Variants in ZNF654 observed in about 807,000 individuals in gnomAD.
ZNF654 encodes zinc finger protein 654.
Under a neutral mutation model 95.3 loss-of-function variants are expected in ZNF654, and 19 were observed. The observed-to-expected ratio is 0.20, with a 90% CI of 0.14 to 0.29. ZNF654 has a LOEUF of 0.29. ZNF654 is among the 10% of genes least tolerant of loss of function. The probability of loss-of-function intolerance (pLI) is 1.00; values close to 1 mark genes in which losing one functional copy is unlikely to be tolerated. For synonymous variants in ZNF654, 413 were observed against 457.9 expected (o/e 0.90, Z 1.25); for missense variants, 1,046 against 1,341.0 (o/e 0.78, Z 3.44).
intron 2 of ZNF654, among the ~76,000 whole-genome samples, chr3:88,098,926 A>G (rs140962721): frequency 6.6e-6 from 1 of 152,334 alleles, no homozygotes; most frequent in African/African-American, 2.4e-5. Flanking sequence ...AAGCTGGCAC[A>G]AGCAGGGATG....
intron 5 of ZNF654, 22 bp downstream of exon 5, chr3:88,129,033 G>C (rs1229921085): frequency 3.1e-5 from 47 of 1,501,842 alleles, no homozygotes; most frequent in Non-Finnish European, 4.1e-5. Context: ...GACTATTTTT[G>C]CCTATTACCA....
chr3:88,099,352 C>T (rs1284014008), intron 2 of ZNF654, among the ~76,000 whole-genome samples: 2 of 152,184 alleles, frequency 1.3e-5, no homozygotes, highest in Non-Finnish European at 2.9e-5. Flanking sequence ...GAAGAATATT[C>T]CATGCTCATG....
chr3:88,128,852 A>G lies in ZNF654; in HGVS notation c.594A>G (p.Leu198=). The G allele has an allele frequency of 6.5e-7, 1 of 1,535,592 alleles. No individual in the cohort carries two copies. ...CTGAAAATCCACTGTTCTTTGAACTACGTGCCAGATACCTAATTGCTTGTG... is the reference window on the plus strand; with the variant it reads ...CTGAAAATCCACTGTTCTTTGAACTGCGTGCCAGATACCTAATTGCTTGTG... ...LSSENPLFFE[L]RARYLIACER... Residue 198 remains leucine, a synonymous_variant, in exon 5 of 9, where the codon CTA becomes CTG. Transcript: ENST00000636215.
At chr3:88,103,981 C>G (rs552252294) in intron 2 of ZNF654, among the ~76,000 whole-genome samples, 34 of 151,966 alleles carry the variant, frequency 2.2e-4, no homozygotes, top group Non-Finnish European at 4.4e-4. Flanking sequence ...CGGCTGGTCT[C>G]GAACTCCTTA....
chr3:88,072,611 T>C (rs553804160), intron 1 of ZNF654, among the ~76,000 whole-genome samples: 2 of 152,202 alleles, frequency 1.3e-5, no homozygotes, highest in African/African-American at 4.8e-5. Flanking sequence ...ATTAGAGAGA[T>C]AGAGGCCTTC....
Position 88,142,209 on chromosome 3 carries a change from A to C in ZNF654, c.*557A>C, listed in dbSNP as rs1348630234. ...TACATTAACTTACCACAGTGCTATC[A>C]ATTAAAGATTGTAACAGGTTTCCAG... On this transcript the variant is annotated 3_prime_UTR_variant, in exon 9 of 9. Transcript: ENST00000636215. 6.6e-6 allele frequency: 1 copy of C among 152,096 alleles called. No homozygotes were observed. The highest frequency in any genetic ancestry group is 1.9e-4 in the East Asian group (1 of 5,132). The allele number at this position is 152,096 out of a possible 1,614,324, so 9.4% of individuals were successfully genotyped here.
Position 88,103,261 on chromosome 3 carries a change from C to A in ZNF654, c.333-9854C>A, listed in dbSNP as rs139354784. On this transcript the variant is annotated intron_variant, in intron 2 of 8. Coordinates refer to ENST00000636215, the MANE Select transcript of ZNF654 (RefSeq NM_001350134.2). ...GCTATAGTGGAAAAGACAGATAATA[C>A]GTTTGAGCAGATTGGAAATTTCGGC... Among the ~76,000 whole-genome samples, 392 of 152,108 alleles carry A rather than the reference C, an allele frequency of 2.6e-3. 1 individual carries two copies. Among genetic ancestry groups the A allele is most frequent in the African/African-American group, 8.9e-3 (368 of 41,478 alleles).
At chr3:88,063,933 A>G (rs1707042652) in intron 1 of ZNF654, among the ~76,000 whole-genome samples, 1 of 152,150 alleles carries the variant, frequency 6.6e-6, no homozygotes, top group Admixed American at 6.5e-5. Context: ...GGTGTAAACC[A>G]AAACAACTTG....
intron 2 of ZNF654, among the ~76,000 whole-genome samples, chr3:88,112,913 A>G (rs1362630585): frequency 1.3e-5 from 2 of 152,196 alleles, no homozygotes; most frequent in East Asian, 3.9e-4. Context: ...AAACTTAAGT[A>G]TATTTCTTTG....
intron 3 of ZNF654, 104 bp from the exon 4 acceptor site, chr3:88,126,030 A>T: frequency 8.4e-7 from 1 of 1,185,616 alleles, no homozygotes; most frequent in Non-Finnish European, 1.1e-6. Context: ...TTTATAATTT[A>T]ATAGCTGCCT....
chr3:88,137,433 C>T (rs1706864894), intron 7 of ZNF654, among the ~76,000 whole-genome samples: 1 of 151,964 alleles, frequency 6.6e-6, no homozygotes, highest in African/African-American at 2.4e-5. Flanking sequence ...ACTCATTCTG[C>T]AAACATTTAT....
intron 1 of ZNF654, among the ~76,000 whole-genome samples, chr3:88,067,923 C>T (rs1444765056): frequency 1.3e-5 from 2 of 150,458 alleles, no homozygotes. Context: ...GAACTGTGTA[C>T]ACTTAAAATC....
intron 1 of ZNF654, among the ~76,000 whole-genome samples, chr3:88,075,513 G>C (rs1707749482): frequency 6.6e-6 from 1 of 152,206 alleles, no homozygotes; most frequent in Admixed American, 6.5e-5. Context: ...TGAAGTCTGT[G>C]CTTTTAGGAG....
intron 2 of ZNF654, among the ~76,000 whole-genome samples, chr3:88,092,018 A>G (rs956476832): frequency 7.2e-5 from 11 of 152,264 alleles, no homozygotes; most frequent in East Asian, 3.8e-4. Flanking sequence ...AAGATGTTCA[A>G]TGTAAGGCAA....
chr3:88,060,366 AC>A (rs1706798940), intron 1 of ZNF654, among the ~76,000 whole-genome samples: 1 of 152,108 alleles, frequency 6.6e-6, no homozygotes, highest in Admixed American at 6.5e-5. Context: ...TAACAAATAT[AC>A]CCCTACTTTT....
chr3:88,066,588 C>CCA (rs1303955355), intron 1 of ZNF654, among the ~76,000 whole-genome samples: 2 of 145,418 alleles, frequency 1.4e-5, no homozygotes, highest in Non-Finnish European at 3.1e-5. Context: ...ACAAAAAAAA[C>CCA]AAAAAAACCT....
intron 1 of ZNF654, among the ~76,000 whole-genome samples, chr3:88,078,963 T>TG (rs1189975387): frequency 6.6e-6 from 1 of 152,072 alleles, no homozygotes; most frequent in East Asian, 1.9e-4. Flanking sequence ...GATTTATAGG[T>TG]GACACAAACT....
chr3:88,138,896 T>C lies in ZNF654; in HGVS notation c.1227T>C (p.Arg409=). Residue 409 remains arginine (R), a synonymous_variant, in exon 8 of 9, where the codon CGT becomes CGC. Coordinates refer to ENST00000636215, the MANE Select transcript of ZNF654 (RefSeq NM_001350134.2). ...TGGAGCGCTCCTTAGAAGCGTATCG[T>C]ACTGTTGAAGAGCTTTACAAACGTC... ...FFLERSLEAY[R]TVEELYKRPD... 8.1e-7 allele frequency: 1 copy of C among 1,233,476 alleles called. No homozygotes were observed. Among genetic ancestry groups the C allele is most frequent in the Non-Finnish European group, 1.0e-6 (1 of 989,022 alleles). The allele number at this position is 1,233,476 out of a possible 1,614,324, so 76.4% of individuals were successfully genotyped here.
chr3:88,088,441 TACA>T (rs1326351670), intron 2 of ZNF654, among the ~76,000 whole-genome samples: 1 of 152,268 alleles, frequency 6.6e-6, no homozygotes, highest in African/African-American at 2.4e-5. Flanking sequence ...AGAAGTTACG[TACA>T]ACATTAAAAA....
Sources: allele counts gnomAD v4.1 joint callset (sites outside exome capture counted in the v4.1 genomes callset), GRCh38; gene constraint gnomAD v4.1.1; transcripts MANE v1.5; gene names NCBI Gene and HGNC (gene_info 2026-07-23, HGNC 2026-07-21).